ZNF365: variants seen among roughly 807,000 people sequenced by gnomAD.
ZNF365 encodes the protein zinc finger protein 365.
In ZNF365, 22 loss-of-function variants were observed where a neutral mutation model predicts 35.0. That is an observed-to-expected ratio of 0.63 (90% CI 0.45 to 0.90). The LOEUF is 0.90. Ranked by LOEUF, ZNF365 falls within the 40% of genes least tolerant of loss-of-function variation. The pLI is 0.00. For synonymous variants in ZNF365, 188 were observed against 196.2 expected, an observed-to-expected ratio of 0.96 and a Z score of 0.35; for missense variants, 448 against 500.3, an observed-to-expected ratio of 0.90 and a Z score of 1.00.
chr10:62,435,283 T>C (rs1158378559), intron 3 of ZNF365, among the ~76,000 whole-genome samples: 2 of 152,100 alleles, frequency 1.3e-5, no homozygotes, highest in East Asian at 3.9e-4. Flanking sequence ...ACGAAGGAAA[T>C]GGCAAGACCA....
At chr10:62,394,934 G>A (rs893679752) in intron 3 of ZNF365, among the ~76,000 whole-genome samples, 2 of 152,186 alleles carry the variant, frequency 1.3e-5, no homozygotes, top group African/African-American at 2.4e-5. Flanking sequence ...AGCCTTAGTG[G>A]AGAGAGTGAG....
At chr10:62,458,512 T>C (rs967162621) in intron 3 of ZNF365, among the ~76,000 whole-genome samples, 3 of 151,152 alleles carry the variant, frequency 2.0e-5, no homozygotes, top group African/African-American at 7.3e-5. Flanking sequence ...ATATATAATA[T>C]TGTGTGGGTA....
chr10:62,437,909 G>A (rs899766193), intron 3 of ZNF365, among the ~76,000 whole-genome samples: 3 of 152,128 alleles, frequency 2.0e-5, no homozygotes, highest in Admixed American at 1.3e-4. Flanking sequence ...GGTGAGATTT[G>A]GTTTGATGAG....
intron 3 of ZNF365, among the ~76,000 whole-genome samples, chr10:62,416,644 G>A (rs1840081272): frequency 6.6e-6 from 1 of 152,104 alleles, no homozygotes; most frequent in Admixed American, 6.6e-5. Context: ...TGTAGAACAT[G>A]AAGTTACAGG....
At chr10:62,424,130 C>G (rs779473993) in intron 3 of ZNF365, among the ~76,000 whole-genome samples, 18 of 152,106 alleles carry the variant, frequency 1.2e-4, no homozygotes, top group Admixed American at 9.2e-4. Flanking sequence ...CATGATTGAT[C>G]AGACCAAATT....
chr10:62,474,927 C>T (rs971853210), intron 4 of ZNF365, among the ~76,000 whole-genome samples: 1 of 152,160 alleles, frequency 6.6e-6, no homozygotes, highest in African/African-American at 2.4e-5. Flanking sequence ...CCAACTTTTC[C>T]TTTAACTGTC....
chr10:62,426,265 T>C (rs2132451950), intron 3 of ZNF365, among the ~76,000 whole-genome samples: 1 of 152,258 alleles, frequency 6.6e-6, no homozygotes, highest in African/African-American at 2.4e-5. Flanking sequence ...ATCAGTGCCA[T>C]GCTAATCTGA....
chr10:62,478,342 G>A (rs903190562), intron 4 of ZNF365, among the ~76,000 whole-genome samples: 5 of 152,164 alleles, frequency 3.3e-5, no homozygotes, highest in Admixed American at 6.5e-5. Context: ...TCTCAGAGAG[G>A]GAAGGATTGC....
At chr10:62,375,590 A>G (rs1274236762) in intron 1 of ZNF365, 1 of 153,924 alleles carries the variant, frequency 6.5e-6, no homozygotes, top group Non-Finnish European at 1.4e-5. Flanking sequence ...TCTTTCCTGT[A>G]CTTGAGGATA....
intron 3 of ZNF365, among the ~76,000 whole-genome samples, chr10:62,391,961 T>C (rs891656494): frequency 6.6e-6 from 1 of 152,246 alleles, no homozygotes; most frequent in African/African-American, 2.4e-5. Flanking sequence ...AGCAAGGTGG[T>C]ATCACATTGT....
At chr10:62,458,370 T>C (rs1472658292) in intron 3 of ZNF365, among the ~76,000 whole-genome samples, 1 of 152,156 alleles carries the variant, frequency 6.6e-6, no homozygotes, top group African/African-American at 2.4e-5. Context: ...TCCTTTTTTG[T>C]CTTCAGCATG....
chr10:62,394,951 G>T (rs542798643), intron 3 of ZNF365, among the ~76,000 whole-genome samples: 2 of 152,158 alleles, frequency 1.3e-5, no homozygotes, highest in Admixed American at 6.5e-5. Flanking sequence ...TGAGATCCGG[G>T]CTGGGGATGG....
rs1479665303 is a variant in ZNF365 at position 62,443,078 on chromosome 10, G to A, written c.925-16663G>A. Among the ~76,000 whole-genome samples the A allele has an allele frequency of 3.3e-5, 5 of 152,314 alleles. No individual in the cohort carries two copies. The South Asian group carries it at 8.3e-4, about 25-fold the overall frequency. ...CACCGGACACTCTGTTTAGTGACAC[G>A]TAGCTCTCTAGCTACAGTGGCAGTT... is the stretch of plus-strand genomic sequence containing the variant. On this transcript the variant is annotated intron_variant, in intron 3 of 4. Transcript: ENST00000395255.
At chr10:62,407,933 G>A (rs550059246) in intron 3 of ZNF365, among the ~76,000 whole-genome samples, 6 of 151,718 alleles carry the variant, frequency 4.0e-5, no homozygotes, top group Non-Finnish European at 1.5e-5. Flanking sequence ...TTTAACTTTG[G>A]AAGAATCCTT....
chr10:62,401,438 C>A lies in ZNF365; in HGVS notation c.*1649C>A. The A allele has an allele frequency of 1.0e-6, 1 of 985,244 alleles. No individual in the cohort carries two copies. Among genetic ancestry groups the A allele is most frequent in the Non-Finnish European group, 1.2e-6 (1 of 829,870 alleles). 61.0% of individuals were successfully genotyped at this position (985,244 alleles called of 1,614,324 possible). ...TTATCATTATACAAACATTCTGAACCTACCATAATGAAAATGTTCTTGAAT... is the reference window on the plus strand; with the variant it reads ...TTATCATTATACAAACATTCTGAACATACCATAATGAAAATGTTCTTGAAT... On this transcript the variant is annotated 3_prime_UTR_variant, in exon 5 of 5. Coordinates refer to ENST00000395254, the MANE Select transcript of ZNF365 (RefSeq NM_014951.3).
At chr10:62,439,275 T>C (rs2132463112) in intron 3 of ZNF365, among the ~76,000 whole-genome samples, 1 of 152,314 alleles carries the variant, frequency 6.6e-6, no homozygotes, top group East Asian at 1.9e-4. Flanking sequence ...TCTTTACATT[T>C]TCCTCATGCC....
At chr10:62,416,491 C>T (rs1445488071) in intron 3 of ZNF365, among the ~76,000 whole-genome samples, 2 of 151,944 alleles carry the variant, frequency 1.3e-5, no homozygotes, top group East Asian at 1.9e-4. Flanking sequence ...GCCTATTTTT[C>T]GAATGTCTTG....
At chr10:62,438,193 GTT>G (rs11357058) in intron 3 of ZNF365, among the ~76,000 whole-genome samples, 6 of 142,648 alleles carry the variant, frequency 4.2e-5, no homozygotes, top group African/African-American at 5.1e-5. Flanking sequence ...TTTTGTTTTT[GTT>G]TTTTTTTTTT....
At chr10:62,477,718 G>T (rs556733135) in intron 4 of ZNF365, among the ~76,000 whole-genome samples, 28 of 152,202 alleles carry the variant, frequency 1.8e-4, no homozygotes, top group African/African-American at 6.0e-4. Flanking sequence ...TTCCTAATTT[G>T]GGGCCCAGGC....
Sources: allele counts gnomAD v4.1 joint callset (sites outside exome capture counted in the v4.1 genomes callset), GRCh38; gene constraint gnomAD v4.1.1; transcripts MANE v1.5; gene names NCBI Gene and HGNC (gene_info 2026-07-23, HGNC 2026-07-21).